Variants in PLXND1 observed in about 807,000 individuals in gnomAD.
PLXND1 encodes the protein plexin-D1.
PLXND1 carries 54 observed loss-of-function variants against 197.7 expected under a neutral mutation model. The observed-to-expected ratio is 0.27, with a 90% CI of 0.22 to 0.34. PLXND1 has a LOEUF of 0.34. Among genes scored for constraint, PLXND1 ranks in the 10% least tolerant of loss-of-function variants. The pLI is 1.00. For missense variants in PLXND1, 2,127 were observed against 2,699.2 expected, an observed-to-expected ratio of 0.79 and a Z score of 4.70; for synonymous variants, 1,180 against 1,161.2, an observed-to-expected ratio of 1.02 and a Z score of -0.33.
chr3:129,575,814 G>A lies in PLXND1; in HGVS notation c.2388C>T (p.Phe796=), dbSNP rs372055757. 20 of 1,613,352 alleles carry A rather than the reference G, an allele frequency of 1.2e-5. No homozygotes were observed. Among genetic ancestry groups the A allele is most frequent in the African/African-American group, 1.1e-4 (8 of 74,852 alleles). ...LECSFGLEEI[F]EAVWVNESVV... ...CAGACTCATTCACCCACACAGCCTC[G>A]AAGATCTCCTCCAGCCCAAAACTAC... The change falls in exon 10 of 36, where the codon TTC becomes TTT. Residue 796 remains phenylalanine, a synonymous_variant. Transcript: ENST00000324093.
chr3:129,605,451 G>T lies in PLXND1; in HGVS notation c.1189C>A (p.Arg397=), dbSNP rs2085774371. The T allele has an allele frequency of 6.7e-7, 1 of 1,501,330 alleles. No homozygotes were observed. 93.0% of individuals were successfully genotyped at this position (1,501,330 alleles called of 1,614,324 possible). ...GTGCGCGCAGCTCGGATGGCGGCTC[G>T]CACGTCGGCGAAGCGGAAGGCGCAG... ...ALCAFRFADV[R]AAIRAARTAC... Residue 397 remains arginine (R), a synonymous_variant, in exon 1 of 36, where the codon CGA becomes AGA. Transcript: ENST00000324093.
intron 17 of PLXND1, 45 bp from the exon 18 acceptor site, chr3:129,571,348 CAG>C: frequency 6.3e-7 from 1 of 1,591,324 alleles, no homozygotes; most frequent in Non-Finnish European, 8.6e-7. Context: ...GCAGGATGGA[CAG>C]ATGGGCATGG....
Position 129,567,508 on chromosome 3 carries a change from C to G in PLXND1, c.4070G>C (p.Arg1357Pro). ...PFLEYKHFVT[R>P]TFFPKCSSLY... The stretch of plus-strand genomic sequence containing the variant: ...CGGGCTGACCTTGGGGAAGAAGGTG[C>G]GGGTCACGAAGTGCTTATACTCCAG... Residue 1357 changes from arginine (R) to proline (P), a missense_variant, in exon 22 of 36, where the codon CGC becomes CCC. Transcript: ENST00000324093. 1 of 1,599,236 alleles carries G rather than the reference C, an allele frequency of 6.3e-7. No homozygotes were observed. Among genetic ancestry groups the G allele is most frequent in the Non-Finnish European group, 8.5e-7 (1 of 1,169,666 alleles).
intron 2 of PLXND1, 113 bp from the exon 3 acceptor site, chr3:129,586,832 C>G: frequency 7.8e-7 from 1 of 1,277,196 alleles, no homozygotes; most frequent in South Asian, 1.3e-5. Flanking sequence ...GTCTTGGACC[C>G]TTCAGGAGGG....
At chr3:129,590,216 T>C (rs1170611917) in intron 1 of PLXND1, among the ~76,000 whole-genome samples, 2 of 152,086 alleles carry the variant, frequency 1.3e-5, no homozygotes, top group Admixed American at 1.3e-4. Context: ...CACAGTCCCA[T>C]GTCCACAACA....
At chr3:129,571,409 A>C in intron 17 of PLXND1, 100 bp downstream of exon 17, 1 of 1,523,212 alleles carries the variant, frequency 6.6e-7, no homozygotes, top group South Asian at 1.2e-5. Context: ...CAGAGGGAGG[A>C]AGAGGGGACA....
In PLXND1 at chr3:129,582,073, C is replaced by G. The variant is rs1047884868; in HGVS notation, c.2241+1494G>C. Among the ~76,000 whole-genome samples the G allele has an allele frequency of 2.0e-5, 3 of 152,214 alleles. No homozygotes were observed. The South Asian group carries it at 6.2e-4, about 32-fold the overall frequency. The stretch of plus-strand genomic sequence containing the variant: ...GGGCTCCCGTATGGTTTCACTGCAC[C>G]GACTCCACTGGGCTCTCCTCCAGTG... On this transcript the variant is annotated intron_variant, in intron 8 of 35. Coordinates refer to ENST00000324093, the MANE Select transcript of PLXND1 (RefSeq NM_015103.3).
chr3:129,573,868 T>C, intron 12 of PLXND1, 123 bp from the exon 13 acceptor site: 1 of 1,115,134 alleles, frequency 9.0e-7, no homozygotes, highest in Non-Finnish European at 1.3e-6. Flanking sequence ...GAGGAAGGTC[T>C]GGAGGCTCAG....
At position 129,605,316 on chromosome 3, in the gene PLXND1, C is replaced by T. The variant is rs1358389882; in HGVS notation, c.1311+13G>A. ...CCGCCGCCGCCGCCGCCGCCGCCACCGCCCGGGTGTACCTGGATGTTGAGC... is the reference window on the plus strand; with the variant it reads ...CCGCCGCCGCCGCCGCCGCCGCCACTGCCCGGGTGTACCTGGATGTTGAGC... On this transcript the variant is annotated intron_variant, in intron 1 of 35. Coordinates refer to ENST00000324093, the MANE Select transcript of PLXND1 (RefSeq NM_015103.3). The T allele has an allele frequency of 2.3e-6, 3 of 1,286,782 alleles. No homozygotes were observed. The highest frequency in any genetic ancestry group is 2.6e-5 in the South Asian group (1 of 39,208). The allele number at this position is 1,286,782 out of a possible 1,614,324, so 79.7% of individuals were successfully genotyped here.
intron 20 of PLXND1, among the ~76,000 whole-genome samples, 160 bp from the exon 21 acceptor site, chr3:129,567,965 A>G (rs1578317148): frequency 7.4e-6 from 1 of 134,258 alleles, no homozygotes; most frequent in Non-Finnish European, 1.6e-5. Flanking sequence ...GGGGGTGGGG[A>G]GTTGCGGGGA....
At position 129,571,807 on chromosome 3, in the gene PLXND1, C is replaced by T. The variant is rs2085237250; in HGVS notation, c.3115G>A (p.Gly1039Arg). 1 of 1,613,012 alleles carries T rather than the reference C, an allele frequency of 6.2e-7. No individual in the cohort carries two copies. The highest frequency in any genetic ancestry group is 8.5e-7 in the Non-Finnish European group (1 of 1,179,860). ...DTSIACTMPE[G>R]ALPAPVPVCV... is the part of the protein sequence containing the mutation. ...ACAGGCACCGGAGCCGGCAGGGCCCCCTCAGGCATGGTGCAGGCGATGCTG... is the reference window on the plus strand; with the variant it reads ...ACAGGCACCGGAGCCGGCAGGGCCCTCTCAGGCATGGTGCAGGCGATGCTG... Residue 1039 changes from glycine (G) to arginine (R), a missense_variant, in exon 16 of 36, where the codon GGG becomes AGG. Gly to Arg is a moderately radical substitution (Grantham distance 125). This residue lies in a region of PLXND1 where 1,095 missense variants were observed against 1,259.8 expected (regional missense o/e 0.87). Transcript: ENST00000324093.
In PLXND1 at chr3:129,561,890, G is replaced by A. The variant is rs753265632; in HGVS notation, c.4839C>T (p.Ser1613=). 26 of 1,613,254 alleles carry A rather than the reference G, an allele frequency of 1.6e-5. No individual in the cohort carries two copies. The highest frequency in any genetic ancestry group is 2.2e-5 in the East Asian group (1 of 44,884). ...AEDVDLEWFA[S]STQSYILRDL... ...CCCGAAGGATGTAGCTCTGTGTGCT[G>A]GAGGCGAACCACTCTGGGGGACAAG... The change falls in exon 28 of 36, where the codon TCC becomes TCT. Residue 1613 remains serine, a synonymous_variant. Transcript: ENST00000324093.
In PLXND1 at chr3:129,556,335, A is replaced by T; in HGVS notation, c.5755T>A (p.Tyr1919Asn). The T allele has an allele frequency of 6.2e-7, 1 of 1,612,788 alleles. No homozygotes were observed. Among genetic ancestry groups the T allele is most frequent in the Non-Finnish European group, 8.5e-7 (1 of 1,178,720 alleles). The change falls in exon 36 of 36, where the codon TAC (tyrosine) becomes AAC (asparagine). Residue 1919 changes from tyrosine to asparagine, a missense_variant. Physicochemically the swap from Tyr to Asn is moderately radical, Grantham distance 143 (BLOSUM62 -2). Transcript: ENST00000324093. ...TCTCAGGCCTCACTGTAGCACTCGT[A>T]GATGTTGTCCTCCATCAAAGCCACC... Reference protein sequence around the residue: ...QVVALMEDNIYECYSEA With the variant: ...QVVALMEDNINECYSEA
chr3:129,580,982 C>T (rs2085379651), intron 8 of PLXND1, among the ~76,000 whole-genome samples: 2 of 152,128 alleles, frequency 1.3e-5, no homozygotes, highest in South Asian at 4.1e-4. Flanking sequence ...GGGCACACAT[C>T]CACCTTCCTC....
intron 15 of PLXND1, among the ~76,000 whole-genome samples, chr3:129,572,149 G>A (rs2085243654): frequency 6.6e-6 from 1 of 152,140 alleles, no homozygotes; most frequent in Non-Finnish European, 1.5e-5. Flanking sequence ...CCCACTGGAT[G>A]TTCCTACTTC....
intron 1 of PLXND1, among the ~76,000 whole-genome samples, chr3:129,595,336 G>A (rs978895831): frequency 1.3e-5 from 2 of 152,232 alleles, no homozygotes; most frequent in Non-Finnish European, 2.9e-5. Flanking sequence ...GCCCTGGGAG[G>A]GGGCAGGACG....
Position 129,565,892 on chromosome 3 carries a change from G to C in PLXND1, c.4317C>G (p.Arg1439=), listed in dbSNP as rs200856710. The part of the protein sequence containing the change: ...ALEQQKDFAV[R]DRCSLASLLT... The stretch of plus-strand genomic sequence containing the variant: ...CCAGTCTGTCACAGCCTGACCTGTC[G>C]CGCACCGCAAAGTCCTTCTGCTGCT... The change falls in exon 24 of 36, where the codon CGC becomes CGG. Residue 1439 remains arginine (R), a synonymous_variant. Transcript: ENST00000324093. 2 of 1,614,024 alleles carry C rather than the reference G, an allele frequency of 1.2e-6. No homozygotes were observed. The highest frequency in any genetic ancestry group is 1.7e-6 in the Non-Finnish European group (2 of 1,179,968).
chr3:129,597,500 A>G (rs1311248644), intron 1 of PLXND1, among the ~76,000 whole-genome samples: 1 of 151,404 alleles, frequency 6.6e-6, no homozygotes, highest in Non-Finnish European at 1.5e-5. Context: ...CCCATTATTT[A>G]CCGATCAGAG....
In PLXND1 at chr3:129,557,348, A is replaced by T; in HGVS notation, c.5446-125T>A. On this transcript the variant is annotated intron_variant, in intron 33 of 35. Transcript: ENST00000324093. The surrounding 1 kb of genome is among the most constrained non-coding windows in gnomAD (Gnocchi z 4.8). The stretch of plus-strand genomic sequence containing the variant: ...CTTAGCAGGCCCCCGAGGCCCAAAG[A>T]GTCTCACCCGGTCACTGAACGTCCC... The T allele has an allele frequency of 9.5e-7, 1 of 1,052,818 alleles. No individual in the cohort carries two copies. Among genetic ancestry groups the T allele is most frequent in the Non-Finnish European group, 1.4e-6 (1 of 716,664 alleles). 65.2% of individuals were successfully genotyped at this position (1,052,818 alleles called of 1,614,324 possible). A position where few individuals can be genotyped will look rare whatever the true frequency, so the allele number is the denominator to read the frequency against.
Sources: allele counts gnomAD v4.1 joint callset (sites outside exome capture counted in the v4.1 genomes callset), GRCh38; gene constraint gnomAD v4.1.1; regional missense constraint gnomAD v4.1.1; non-coding constraint Gnocchi (gnomAD v3.1); transcripts MANE v1.5; gene names NCBI Gene and HGNC (gene_info 2026-07-23, HGNC 2026-07-21).